PCDHGB5: variants seen among roughly 807,000 people sequenced by gnomAD.
PCDHGB5 encodes the protein protocadherin gamma subfamily B, 5, also known as protocadherin gamma-B5.
A neutral mutation model predicts 62.9 loss-of-function variants in PCDHGB5; 48 were observed. The ratio of observed to expected loss-of-function variants is 0.76; its 90% CI spans 0.61 to 0.97. The LOEUF is 0.97. Among genes scored for constraint, PCDHGB5 ranks in the 50% least tolerant of loss-of-function variants. The pLI, the probability that PCDHGB5 is intolerant of heterozygous loss-of-function variation, is 0.00. For synonymous variants in PCDHGB5, 474 were observed against 511.2 expected (o/e 0.93, Z 0.98); for missense variants, 1,118 against 1,198.6 (o/e 0.93, Z 0.99).
chr5:141,431,554 C>A lies in PCDHGB5; in HGVS notation c.2397+31030C>A, dbSNP rs766242338. On this transcript the variant is annotated intron_variant, in intron 1 of 3. Coordinates refer to ENST00000617380, the MANE Select transcript of PCDHGB5 (RefSeq NM_018925.3). The surrounding 1 kb of genome is among the most constrained non-coding windows in gnomAD (Gnocchi z 4.8). ...TGGGCACGCAGCTGCTTGTAGTCAA[C>A]GCTACCGACCCTGACGAAGGAGTCA... 1.2e-6 allele frequency: 2 copies of A among 1,614,008 alleles called. No individual in the cohort carries two copies. Among genetic ancestry groups the A allele is most frequent in the African/African-American group, 1.3e-5 (1 of 74,942 alleles).
At chr5:141,445,632 T>C (rs940642775) in intron 1 of PCDHGB5, among the ~76,000 whole-genome samples, 19 of 152,116 alleles carry the variant, frequency 1.2e-4, no homozygotes, top group Admixed American at 1.1e-3. Flanking sequence ...GAAAGTGATA[T>C]TTAGAGAGAT....
At chr5:141,450,986 G>A (rs950903600) in intron 1 of PCDHGB5, among the ~76,000 whole-genome samples, 15 of 151,310 alleles carry the variant, frequency 9.9e-5, no homozygotes, top group Non-Finnish European at 1.3e-4. Context: ...CACCACACCC[G>A]GCTAATTTTT....
At chr5:141,418,630 A>G in intron 1 of PCDHGB5, 1 of 1,614,046 alleles carries the variant, frequency 6.2e-7, no homozygotes, top group Non-Finnish European at 8.5e-7. Context: ...ACGTGCCTCC[A>G]GGCACCTCCA....
chr5:141,431,984 G>A lies in PCDHGB5; in HGVS notation c.2397+31460G>A, dbSNP rs758365921. 2 of 1,614,220 alleles carry A rather than the reference G, an allele frequency of 1.2e-6. No individual in the cohort carries two copies. The highest frequency in any genetic ancestry group is 2.2e-5 in the South Asian group (2 of 91,086). On this transcript the variant is annotated intron_variant, in intron 1 of 3. Transcript: ENST00000617380. The surrounding 1 kb of genome is among the most constrained non-coding windows in gnomAD (Gnocchi z 4.8). ...TTACTATAGTTTAGTCACAGACATAGTCTTGGATAGGGAACAGGTTCCTAG... is the reference window on the plus strand; with the variant it reads ...TTACTATAGTTTAGTCACAGACATAATCTTGGATAGGGAACAGGTTCCTAG...
intron 1 of PCDHGB5, chr5:141,402,800 C>T: frequency 1.9e-6 from 2 of 1,072,726 alleles, no homozygotes; most frequent in African/African-American, 1.6e-5. Flanking sequence ...ACACAAAACC[C>T]GGCAGATACC....
At chr5:141,419,744 G>A (rs760207269) in intron 1 of PCDHGB5, 28 of 1,613,778 alleles carry the variant, frequency 1.7e-5, no homozygotes, top group East Asian at 2.2e-5. Context: ...GGTGCGCATG[G>A]TGCGTGCTTT....
chr5:141,399,813 G>T lies in PCDHGB5; in HGVS notation c.1686G>T (p.Ala562=), dbSNP rs985564503. The T allele has an allele frequency of 6.2e-7, 1 of 1,613,080 alleles. No homozygotes were observed. The highest frequency in any genetic ancestry group is 1.7e-5 in the Admixed American group (1 of 59,990). ...NDNAPRVLYP[A]LGPDGSALFD... ...ACGCACCGCGGGTGCTGTACCCCGCGCTGGGTCCCGACGGCTCTGCGCTCT... is the reference window on the plus strand; with the variant it reads ...ACGCACCGCGGGTGCTGTACCCCGCTCTGGGTCCCGACGGCTCTGCGCTCT... The change falls in exon 1 of 4, where the codon GCG becomes GCT. Residue 562 remains alanine, a synonymous_variant. Coordinates refer to ENST00000617380, the MANE Select transcript of PCDHGB5 (RefSeq NM_018925.3).
intron 1 of PCDHGB5, among the ~76,000 whole-genome samples, 197 bp from the exon 2 acceptor site, chr5:141,494,610 T>C (rs1428159953): frequency 6.6e-6 from 1 of 152,152 alleles, no homozygotes; most frequent in Non-Finnish European, 1.5e-5. Flanking sequence ...GATTTATCTC[T>C]TGGTTTCTGG....
Position 141,398,949 on chromosome 5 carries a change from C to G in PCDHGB5, c.822C>G (p.Asn274Lys). The G allele has an allele frequency of 6.2e-7, 1 of 1,613,948 alleles. No homozygotes were observed. The highest frequency in any genetic ancestry group is 8.5e-7 in the Non-Finnish European group (1 of 1,179,900). Residue 274 changes from asparagine to lysine, a missense_variant, in exon 1 of 4, where the codon AAC becomes AAG. Asn to Lys is a moderately conservative substitution (Grantham distance 94, BLOSUM62 0). Coordinates refer to ENST00000617380, the MANE Select transcript of PCDHGB5 (RefSeq NM_018925.3). ...CCACTGACCAAGACGAGGGCATCAA[C>G]TCAGAAATTACTTATTCCTTCTACA... is the stretch of plus-strand genomic sequence containing the variant. ...VSATDQDEGI[N>K]SEITYSFYRT...
At chr5:141,418,287 G>C in intron 1 of PCDHGB5, 1 of 1,614,020 alleles carries the variant, frequency 6.2e-7, no homozygotes, top group South Asian at 1.1e-5. Context: ...TTAGAAATCA[G>C]TGAATCCGTC....
rs747722740 is a variant in PCDHGB5, at chr5:141,485,835, C to G, written c.2398-8972C>G. 3 of 1,614,190 alleles carry G rather than the reference C, an allele frequency of 1.9e-6. No homozygotes were observed. In the South Asian group the frequency reaches 3.3e-5, roughly 18 times the overall value. On this transcript the variant is annotated intron_variant, in intron 1 of 3. Transcript: ENST00000617380. This position sits in a 1 kb window ranked among gnomAD's most constrained non-coding sequence, Gnocchi z 5.7. ...ACTGCTGTCGATGGAGGGAACCCGC[C>G]GAGATCTGGCACCGCAGAGCTCCGG...
intron 1 of PCDHGB5, among the ~76,000 whole-genome samples, chr5:141,447,276 A>G (rs2098532917): frequency 6.6e-6 from 1 of 151,994 alleles, no homozygotes; most frequent in South Asian, 2.1e-4. Flanking sequence ...AGTAGCTGGG[A>G]CTACAGGCAC....
chr5:141,407,949 C>T, intron 1 of PCDHGB5: 1 of 575,256 alleles, frequency 1.7e-6, no homozygotes, highest in Non-Finnish European at 2.8e-6. Context: ...CCGCTGTCGG[C>T]CAGTGCAGAG....
intron 1 of PCDHGB5, chr5:141,419,370 A>G (rs1460064670): frequency 1.9e-6 from 3 of 1,613,574 alleles, no homozygotes; most frequent in African/African-American, 2.7e-5. Context: ...CTGTCGTCCT[A>G]CGTGTCCGTG....
chr5:141,415,745 T>C, intron 1 of PCDHGB5: 1 of 517,922 alleles, frequency 1.9e-6, no homozygotes, highest in Non-Finnish European at 2.4e-6. Context: ...TTAAGGTTTT[T>C]TTTTTTTTTT....
In PCDHGB5 at chr5:141,489,327, G is replaced by A; in HGVS notation, c.2398-5480G>A. The A allele has an allele frequency of 6.2e-7, 1 of 1,603,940 alleles. No individual in the cohort carries two copies. Among genetic ancestry groups the A allele is most frequent in the South Asian group, 1.1e-5 (1 of 89,400 alleles). ...TGTGCTGCTGGGGCTGGGTGTCTGG[G>A]CAGCTTCGTTACTCAGTGGTGGAGG... is the stretch of plus-strand genomic sequence containing the variant. On this transcript the variant is annotated intron_variant, in intron 1 of 3. Transcript: ENST00000617380. This position sits in a 1 kb window ranked among gnomAD's most constrained non-coding sequence, Gnocchi z 4.5.
intron 1 of PCDHGB5, chr5:141,427,749 A>G (rs770208196): frequency 4.6e-6 from 6 of 1,299,142 alleles, no homozygotes; most frequent in South Asian, 2.4e-5. Context: ...CTCCTACTCC[A>G]TCGTTACCAC....
intron 1 of PCDHGB5, chr5:141,414,525 T>C (rs1413988459): frequency 1.2e-6 from 2 of 1,613,972 alleles, no homozygotes; most frequent in South Asian, 1.1e-5. Flanking sequence ...CAGATATCAA[T>C]GACAACCCAC....
At position 141,400,510 on chromosome 5, in the gene PCDHGB5, T is replaced by C; in HGVS notation, c.2383T>C (p.Ser795Pro). ...ACTTTGTAATTCCAGCGAGTCGACTTCCCATCCTGAGTTGGTGAGTTTCAT... is the reference window on the plus strand; with the variant it reads ...ACTTTGTAATTCCAGCGAGTCGACTCCCCATCCTGAGTTGGTGAGTTTCAT... Reference protein sequence around the residue: ...FPLCNSSESTSHPELQAPPNT... With the variant: ...FPLCNSSESTPHPELQAPPNT... Residue 795 changes from serine (S) to proline (P), a missense_variant, in exon 1 of 4, where the codon TCC (serine) becomes CCC (proline). Coordinates refer to ENST00000617380, the MANE Select transcript of PCDHGB5 (RefSeq NM_018925.3). The C allele has an allele frequency of 6.2e-7, 1 of 1,613,972 alleles. No individual in the cohort carries two copies. Among genetic ancestry groups the C allele is most frequent in the Non-Finnish European group, 8.5e-7 (1 of 1,179,796 alleles).
Sources: allele counts gnomAD v4.1 joint callset (sites outside exome capture counted in the v4.1 genomes callset), GRCh38; gene constraint gnomAD v4.1.1; non-coding constraint Gnocchi (gnomAD v3.1); transcripts MANE v1.5; gene names NCBI Gene and HGNC (gene_info 2026-07-23, HGNC 2026-07-21).